The following GPHN variants were observed in gnomAD, a reference collection of about 807,000 sequenced individuals.
The protein encoded by GPHN is gephyrin.
GPHN carries 17 observed loss-of-function variants against 95.5 expected under a neutral mutation model. That is an observed-to-expected ratio of 0.18 (90% confidence interval 0.12 to 0.27). GPHN has a LOEUF of 0.27. Ranked by LOEUF, GPHN falls within the 10% of genes least tolerant of loss-of-function variation. GPHN has a pLI of 1.00. For missense variants in GPHN, 660 were observed against 978.1 expected, an observed-to-expected ratio of 0.67 and a Z score of 4.34; for synonymous variants, 320 against 322.5, an observed-to-expected ratio of 0.99 and a Z score of 0.08.
At chr14:67,429,588 T>G in the GPHN span, among the ~76,000 whole-genome samples, 2 of 151,644 alleles carry the variant, frequency 1.3e-5, no homozygotes, top group African/African-American at 4.8e-5. Context: ...ATACAAAAAT[T>G]GGCAAGGTGT....
At chr14:67,345,074 T>A in the GPHN span, among the ~76,000 whole-genome samples, 4 of 151,542 alleles carry the variant, frequency 2.6e-5, no homozygotes, top group African/African-American at 9.7e-5. Context: ...AAACCCCACC[T>A]CTACAAAAAA....
At chr14:67,361,634 G>A in the GPHN span, among the ~76,000 whole-genome samples, 3 of 152,314 alleles carry the variant, frequency 2.0e-5, no homozygotes, top group East Asian at 1.9e-4. Flanking sequence ...TGAGAAAGAA[G>A]TCCTACCTAC....
chr14:66,836,162 T>C (rs903146289), intron 4 of GPHN, among the ~76,000 whole-genome samples: 7 of 131,440 alleles, frequency 5.3e-5, no homozygotes, highest in African/African-American at 1.9e-4. Flanking sequence ...AGAACAAAGC[T>C]GGAGGCATCA....
chr14:67,337,678 T>C, the GPHN span: 1 of 152,340 alleles, frequency 6.6e-6, no homozygotes, highest in South Asian at 2.1e-4. Context: ...TGAGTCCCCA[T>C]GGATGGCTCA....
chr14:67,321,284 G>T, the GPHN span: 11 of 1,610,358 alleles, frequency 6.8e-6, no homozygotes, highest in Middle Eastern at 1.7e-4. Flanking sequence ...TTGTTTTAGG[G>T]TTTGAACTTA....
intron 17 of GPHN, among the ~76,000 whole-genome samples, chr14:67,126,854 C>T (rs913095060): frequency 1.3e-5 from 2 of 151,362 alleles, no homozygotes; most frequent in Non-Finnish European, 2.9e-5. Context: ...CCCAAATGTC[C>T]AACAATGATA....
the GPHN span, among the ~76,000 whole-genome samples, chr14:67,546,423 C>A: frequency 2.0e-5 from 3 of 152,046 alleles, no homozygotes; most frequent in Non-Finnish European, 4.4e-5. Flanking sequence ...GTTTTTGAGA[C>A]AAAGTTTCTC....
intron 9 of GPHN, among the ~76,000 whole-genome samples, chr14:67,019,785 T>G (rs867402548): frequency 7.2e-5 from 11 of 152,124 alleles, no homozygotes; most frequent in African/African-American, 2.7e-4. Context: ...CACACTAGCT[T>G]CAAGCTGGGG....
At chr14:67,691,090 A>G in the GPHN span, 3 of 1,266,932 alleles carry the variant, frequency 2.4e-6, no homozygotes, top group Non-Finnish European at 3.5e-6. Context: ...TAAGTTTCCC[A>G]AAGAGAATTT....
At chr14:66,781,401 G>C (rs1595884601) in intron 3 of GPHN, among the ~76,000 whole-genome samples, 1 of 152,024 alleles carries the variant, frequency 6.6e-6, no homozygotes. Flanking sequence ...ATTTTTAGTA[G>C]AGACAGGGTT....
chr14:67,443,555 A>G, the GPHN span, among the ~76,000 whole-genome samples: 1 of 151,988 alleles, frequency 6.6e-6, no homozygotes, highest in Non-Finnish European at 1.5e-5. Context: ...CAGTGGAGGG[A>G]CAGGCATAGG....
rs1329610232 is a variant in GPHN at position 67,058,672 on chromosome 14, A to G, written c.1030A>G (p.Lys344Glu). The change falls in exon 11 of 23, where the codon AAG becomes GAG. Residue 344 changes from lysine (K) to glutamate (E), a missense_variant. Coordinates refer to ENST00000478722, the MANE Select transcript of GPHN (RefSeq NM_020806.5). ...RASHSAVDITKVARRHRMSPF... is the reference protein window; with the variant it reads ...RASHSAVDITEVARRHRMSPF... ...AGGTCACAGTGCTGTCGATATCACC[A>G]AGGTGGCTAGAAGACATCGCATGTC... The G allele has an allele frequency of 6.2e-7, 1 of 1,613,342 alleles. No homozygotes were observed. The highest frequency in any genetic ancestry group is 1.1e-5 in the South Asian group (1 of 91,072).
the GPHN span, among the ~76,000 whole-genome samples, chr14:67,413,288 G>A: frequency 6.6e-6 from 1 of 152,012 alleles, no homozygotes; most frequent in Admixed American, 6.6e-5. Context: ...TATTTATAGA[G>A]ACAGGGTCTC....
intron 5 of GPHN, among the ~76,000 whole-genome samples, chr14:66,885,723 G>C (rs1280275857): frequency 6.6e-6 from 1 of 151,920 alleles, no homozygotes; most frequent in East Asian, 1.9e-4. Context: ...ACATATATGG[G>C]GGAATTTAGA....
At chr14:67,119,029 T>C (rs1345443847) in intron 16 of GPHN, among the ~76,000 whole-genome samples, 2 of 152,184 alleles carry the variant, frequency 1.3e-5, no homozygotes, top group African/African-American at 4.8e-5. Flanking sequence ...AGGTAGAAGT[T>C]ATTAAGCAAA....
At chr14:67,022,541 C>CTTTTTTT (rs1214143019) in intron 9 of GPHN, among the ~76,000 whole-genome samples, 1 of 18,900 alleles carries the variant, frequency 5.3e-5, no homozygotes, top group Non-Finnish European at 1.1e-4. Context: ...ATTATTTTTC[C>CTTTTTTT]TTTTTTTTTT....
At chr14:67,478,900 T>C in the GPHN span, among the ~76,000 whole-genome samples, 1 of 152,104 alleles carries the variant, frequency 6.6e-6, no homozygotes, top group African/African-American at 2.4e-5. Flanking sequence ...TTGTTTAAGA[T>C]AGTGGTAAGA....
the GPHN span, among the ~76,000 whole-genome samples, chr14:67,291,933 G>A: frequency 6.6e-6 from 1 of 152,064 alleles, no homozygotes; most frequent in Non-Finnish European, 1.5e-5. Context: ...CTATTTCTGG[G>A]ACTTACCTTA....
chr14:66,635,563 A>C (rs944371559), intron 1 of GPHN, among the ~76,000 whole-genome samples: 19 of 152,184 alleles, frequency 1.2e-4, no homozygotes, highest in Admixed American at 6.5e-5. Context: ...GTGATCCTGC[A>C]TGATTGATAA....
Sources: gnomAD v4.1 joint callset for allele counts (sites outside exome capture counted in the v4.1 genomes callset) on GRCh38, gnomAD v4.1.1 for gene constraint, MANE v1.5 for transcripts, NCBI Gene and HGNC (gene_info 2026-07-23, HGNC 2026-07-21) for gene names.